Variants in SDC3 observed in about 807,000 individuals in gnomAD.
The protein encoded by SDC3 is syndecan-3.
Under a neutral mutation model 24.4 loss-of-function variants are expected in SDC3, and 13 were observed. The observed-to-expected ratio is 0.53, with a 90% CI of 0.35 to 0.85. SDC3 has a LOEUF of 0.85. Among genes scored for constraint, SDC3 ranks in the 40% least tolerant of loss-of-function variants. The probability of loss-of-function intolerance (pLI) is 0.01; values close to 1 mark genes in which losing one functional copy is unlikely to be tolerated. For missense variants in SDC3, 571 were observed against 584.5 expected (o/e 0.98, Z 0.24); for synonymous variants, 295 against 260.9 (o/e 1.13, Z -1.26).
rs1392268606 is a variant in SDC3, at chr1:30,908,505, GGGCCCCGGGCCCGGCCGC to G, written c.64_81del (p.Ala22_Ala27del). 2.4e-5 allele frequency: 24 copies of G among 979,648 alleles called. No individual in the cohort carries two copies. Among genetic ancestry groups the G allele is most frequent in the Admixed American group, 1.3e-4 (2 of 15,648 alleles). 60.7% of individuals were successfully genotyped at this position (979,648 alleles called of 1,614,324 possible). ...AGCAGCGGTGGCAGGAGCAGCCCGCGGGCCCCGGGCCCGGCCGCGGCCCCGGCCCCGGCGCCGGCCCCG... is the reference window on the plus strand; with the variant it reads ...AGCAGCGGTGGCAGGAGCAGCCCGCGGGCCCCGGCCCCGGCGCCGGCCCCG... On this transcript the variant is annotated inframe_deletion, in exon 1 of 5. Transcript: ENST00000339394.
chr1:30,885,003 C>T (rs180913903), intron 1 of SDC3, among the ~76,000 whole-genome samples: 2 of 152,038 alleles, frequency 1.3e-5, no homozygotes, highest in African/African-American at 2.4e-5. Flanking sequence ...TTTTTACTTG[C>T]TACAAGGAAT....
intron 4 of SDC3, among the ~76,000 whole-genome samples, chr1:30,873,771 T>G (rs113181530): frequency 0.033 from 5,036 of 152,112 alleles, 117 homozygotes; most frequent in Middle Eastern, 0.065. Context: ...CTCTTAGAAT[T>G]GATTAAGGGC....
chr1:30,891,128 G>T (rs997894601), intron 1 of SDC3, among the ~76,000 whole-genome samples: 2 of 152,168 alleles, frequency 1.3e-5, no homozygotes, highest in African/African-American at 4.8e-5. Flanking sequence ...CTCACCCCTG[G>T]CTGCCCTCAG....
Position 30,869,533 on chromosome 1 carries a change from AAAC to A in SDC3, c.*3675_*3677del. On this transcript the variant is annotated 3_prime_UTR_variant, in exon 5 of 5. Transcript: ENST00000339394. Reference sequence around the variant, plus strand: ...CACAGGAAGTGTTAAAAAAACAAACAAACAAAAAAAAAAAAAAAAAAAAAAAAA... The same window carrying A: ...CACAGGAAGTGTTAAAAAAACAAACAAAAAAAAAAAAAAAAAAAAAAAAAA... 1 of 303,730 alleles carries A rather than the reference AAAC, an allele frequency of 3.3e-6. No homozygotes were observed. Among genetic ancestry groups the A allele is most frequent in the Non-Finnish European group, 5.3e-6 (1 of 188,586 alleles). 18.8% of individuals were successfully genotyped at this position (303,730 alleles called of 1,614,324 possible).
Position 30,877,171 on chromosome 1 carries a change from G to C in SDC3, c.257-6C>G. 7 of 1,613,772 alleles carry C rather than the reference G, an allele frequency of 4.3e-6. No individual in the cohort carries two copies. Among genetic ancestry groups the C allele is most frequent in the Non-Finnish European group, 5.9e-6 (7 of 1,179,956 alleles). On this transcript the variant is annotated splice_polypyrimidine_tract_variant and splice_region_variant and intron_variant, in intron 2 of 4. Coordinates refer to ENST00000339394, the MANE Select transcript of SDC3 (RefSeq NM_014654.4). ...GCCCGACTCCTGCTCGAAGTCTGAGGGGGTGGGGGAGAGGGAGAGAGCTAG... is the reference window on the plus strand; with the variant it reads ...GCCCGACTCCTGCTCGAAGTCTGAGCGGGTGGGGGAGAGGGAGAGAGCTAG...
chr1:30,893,974 C>T (rs935790099), intron 1 of SDC3, among the ~76,000 whole-genome samples: 3 of 151,966 alleles, frequency 2.0e-5, no homozygotes, highest in Non-Finnish European at 2.9e-5. Flanking sequence ...TGAGGCCCTC[C>T]ACACACACAC....
intron 1 of SDC3, among the ~76,000 whole-genome samples, chr1:30,893,313 C>G (rs975468042): frequency 7.9e-6 from 1 of 127,148 alleles, no homozygotes; most frequent in African/African-American, 2.9e-5. Context: ...GCCCCCCCCC[C>G]CCCCACCATG....
At chr1:30,890,364 T>C (rs943871537) in intron 1 of SDC3, among the ~76,000 whole-genome samples, 3 of 152,166 alleles carry the variant, frequency 2.0e-5, no homozygotes, top group Non-Finnish European at 4.4e-5. Flanking sequence ...CTTGAAACCA[T>C]TATGTTAAGT....
At chr1:30,895,643 G>C (rs369649455) in intron 1 of SDC3, among the ~76,000 whole-genome samples, 3 of 152,128 alleles carry the variant, frequency 2.0e-5, no homozygotes, top group East Asian at 3.9e-4. Context: ...TTCTGGGGCC[G>C]GGAGGGCAAG....
At chr1:30,877,343 G>A in intron 2 of SDC3, 178 bp from the exon 3 acceptor site, 2 of 823,202 alleles carry the variant, frequency 2.4e-6, no homozygotes, top group Middle Eastern at 5.3e-4. Flanking sequence ...GTGGTCAGTT[G>A]CTGATGTTCC....
At chr1:30,899,427 T>G (rs1638361610) in intron 1 of SDC3, among the ~76,000 whole-genome samples, 1 of 151,830 alleles carries the variant, frequency 6.6e-6, no homozygotes, top group Non-Finnish European at 1.5e-5. Flanking sequence ...CAGGCGAGAG[T>G]GCAGTGATGC....
intron 1 of SDC3, among the ~76,000 whole-genome samples, chr1:30,884,865 G>A (rs970589379): frequency 6.6e-6 from 1 of 152,184 alleles, no homozygotes; most frequent in Non-Finnish European, 1.5e-5. Context: ...AACGACAGGG[G>A]ACGAGTTAAA....
intron 4 of SDC3, 77 bp downstream of exon 4, chr1:30,874,220 A>G (rs1421408707): frequency 1.6e-6 from 2 of 1,239,376 alleles, no homozygotes; most frequent in African/African-American, 3.0e-5. Flanking sequence ...GGGTTCCTAG[A>G]GGCAAACTGA....
At chr1:30,888,844 C>A (rs960899961) in intron 1 of SDC3, among the ~76,000 whole-genome samples, 35 of 152,228 alleles carry the variant, frequency 2.3e-4, no homozygotes, top group African/African-American at 8.0e-4. Flanking sequence ...TCACCACCAC[C>A]ATCACCCAGA....
chr1:30,884,458 A>G (rs945045592), intron 1 of SDC3, among the ~76,000 whole-genome samples: 3 of 152,018 alleles, frequency 2.0e-5, no homozygotes, highest in Admixed American at 1.3e-4. Flanking sequence ...CTCTGCAAAG[A>G]TATCATGGCA....
rs760789012 is a variant in SDC3 at position 30,876,723 on chromosome 1, G to A, written c.699C>T (p.Pro233=). 6.3e-7 allele frequency: 1 copy of A among 1,592,562 alleles called. No individual in the cohort carries two copies. The highest frequency in any genetic ancestry group is 1.1e-5 in the South Asian group (1 of 88,326). Residue 233 remains proline (P), a synonymous_variant, in exon 3 of 5, where the codon CCC becomes CCT. Coordinates refer to ENST00000339394, the MANE Select transcript of SDC3 (RefSeq NM_014654.4). ...CGGTGTCCAAGACAGCCGCCGTGGT[G>A]GGCGGGGAGGGCGCCTCGGGGGTAG... ...RATTPEAPSP[P]TTAAVLDTEA...
At chr1:30,898,727 C>T (rs1336515157) in intron 1 of SDC3, among the ~76,000 whole-genome samples, 1 of 152,220 alleles carries the variant, frequency 6.6e-6, no homozygotes, top group African/African-American at 2.4e-5. Context: ...AACTCTAGGT[C>T]AGGCCCTGTC....
chr1:30,904,402 G>A (rs542518480), intron 1 of SDC3, among the ~76,000 whole-genome samples: 1 of 152,106 alleles, frequency 6.6e-6, no homozygotes, highest in Non-Finnish European at 1.5e-5. Context: ...CACCACTCCT[G>A]CTGCCCCGGA....
rs1337478833 is a variant in SDC3, at chr1:30,872,836, T to C, written c.*375A>G. The C allele has an allele frequency of 4.3e-6, 1 of 229,898 alleles. No individual in the cohort carries two copies. Among genetic ancestry groups the C allele is most frequent in the Non-Finnish European group, 8.6e-6 (1 of 116,848 alleles). 14.2% of individuals were successfully genotyped at this position (229,898 alleles called of 1,614,324 possible). ...GTGCCTCTCTGCCCCAAAAAGGAGATCTCAGTGAGCACTGTGGGTGCCAAG... is the reference window on the plus strand; with the variant it reads ...GTGCCTCTCTGCCCCAAAAAGGAGACCTCAGTGAGCACTGTGGGTGCCAAG... On this transcript the variant is annotated 3_prime_UTR_variant, in exon 5 of 5. Transcript: ENST00000339394.
Sources: gnomAD v4.1 joint callset for allele counts (sites outside exome capture counted in the v4.1 genomes callset) on GRCh38, gnomAD v4.1.1 for gene constraint, MANE v1.5 for transcripts, NCBI Gene and HGNC (gene_info 2026-07-23, HGNC 2026-07-21) for gene names.